SEPTIN14: variants seen among roughly 807,000 people sequenced by gnomAD.
SEPTIN14 encodes the protein septin-14.
In SEPTIN14, 40 loss-of-function variants were observed where a neutral mutation model predicts 53.6. That is an observed-to-expected ratio of 0.75 (90% confidence interval 0.58 to 0.97). SEPTIN14 has a LOEUF of 0.97. Among genes scored for constraint, SEPTIN14 ranks in the 50% least tolerant of loss-of-function variants. The pLI is 0.00. For missense variants in SEPTIN14, 471 were observed against 508.2 expected, an observed-to-expected ratio of 0.93 and a Z score of 0.70; for synonymous variants, 138 against 166.8, an observed-to-expected ratio of 0.83 and a Z score of 1.33.
In SEPTIN14 at chr7:55,794,487, C is replaced by T. The variant is rs1788392943; in HGVS notation, c.*1426G>A. 1.3e-5 allele frequency: 2 copies of T among 152,156 alleles called. No individual in the cohort carries two copies. The highest frequency in any genetic ancestry group is 4.8e-5 in the African/African-American group (2 of 41,438). 9.4% of individuals were successfully genotyped at this position (152,156 alleles called of 1,614,324 possible). ...TGAATAATTGCTGCTATGCGTCAGA[C>T]ATTTTTCTAGGCCTAGGAATGGATA... is the stretch of plus-strand genomic sequence containing the variant. On this transcript the variant is annotated 3_prime_UTR_variant, in exon 10 of 10. Transcript: ENST00000388975.
At chr7:55,815,990 A>G (rs1457450773) in intron 7 of SEPTIN14, among the ~76,000 whole-genome samples, 1 of 152,226 alleles carries the variant, frequency 6.6e-6, no homozygotes, top group Non-Finnish European at 1.5e-5. Context: ...AATGTGGTAC[A>G]TATACATGAT....
chr7:55,846,099 A>ATATATATATT (rs1178322284), intron 3 of SEPTIN14, among the ~76,000 whole-genome samples: 1 of 138,068 alleles, frequency 7.2e-6, no homozygotes, highest in Non-Finnish European at 1.6e-5. Context: ...ATATGTATAC[A>ATATATATATT]TGCTAGCCCT....
chr7:55,811,826 C>T (rs2115976581), intron 7 of SEPTIN14, among the ~76,000 whole-genome samples: 1 of 150,762 alleles, frequency 6.6e-6, no homozygotes, highest in African/African-American at 2.4e-5. Flanking sequence ...CAGAGTCTCG[C>T]TCTGTCACTC....
intron 5 of SEPTIN14, among the ~76,000 whole-genome samples, chr7:55,840,353 G>A (rs886104677): frequency 3.3e-5 from 5 of 151,810 alleles, no homozygotes; most frequent in African/African-American, 2.4e-5. Flanking sequence ...GCCGGGTGTG[G>A]TGGTGGGCGC....
chr7:55,827,335 G>T (rs901650356), intron 6 of SEPTIN14, among the ~76,000 whole-genome samples: 2 of 152,356 alleles, frequency 1.3e-5, no homozygotes, highest in Admixed American at 1.3e-4. Flanking sequence ...CCTGAGGGAA[G>T]AGGTCCTACC....
chr7:55,807,660 G>A (rs1182082168), intron 7 of SEPTIN14, among the ~76,000 whole-genome samples: 1 of 152,034 alleles, frequency 6.6e-6, no homozygotes, highest in African/African-American at 2.4e-5. Context: ...AATTCTGCTA[G>A]CAAAAAGGCC....
chr7:55,837,099 T>C (rs890686472), intron 5 of SEPTIN14, among the ~76,000 whole-genome samples: 8 of 151,254 alleles, frequency 5.3e-5, no homozygotes, highest in African/African-American at 1.7e-4. Context: ...AAAGAAAATA[T>C]ACTTTTAACC....
At chr7:55,826,206 A>G (rs1159895603) in intron 6 of SEPTIN14, among the ~76,000 whole-genome samples, 1 of 152,086 alleles carries the variant, frequency 6.6e-6, no homozygotes, top group African/African-American at 2.4e-5. Flanking sequence ...CTCTTTTACC[A>G]AATTTCAAGT....
chr7:55,858,255 A>G (rs1358599925), intron 2 of SEPTIN14, among the ~76,000 whole-genome samples: 4 of 152,220 alleles, frequency 2.6e-5, no homozygotes, highest in African/African-American at 9.6e-5. Context: ...GAGAAGGTCA[A>G]ATCCCTGGGG....
At chr7:55,820,799 G>A (rs544200831) in intron 6 of SEPTIN14, among the ~76,000 whole-genome samples, 3 of 152,232 alleles carry the variant, frequency 2.0e-5, no homozygotes, top group East Asian at 1.9e-4. Flanking sequence ...AATTAGCGGG[G>A]CATGGTGGCA....
intron 2 of SEPTIN14, among the ~76,000 whole-genome samples, chr7:55,854,270 A>C (rs1290218591): frequency 6.6e-6 from 1 of 152,240 alleles, no homozygotes; most frequent in East Asian, 1.9e-4. Flanking sequence ...GTCTATTAGT[A>C]AAATAAGAAT....
intron 2 of SEPTIN14, among the ~76,000 whole-genome samples, chr7:55,860,517 T>C (rs1290439505): frequency 1.3e-5 from 2 of 152,018 alleles, no homozygotes; most frequent in African/African-American, 2.4e-5. Context: ...TATTTCAAAA[T>C]AGCTAAAAGA....
At chr7:55,862,229 A>C (rs1383158922) in intron 1 of SEPTIN14, among the ~76,000 whole-genome samples, 1 of 152,190 alleles carries the variant, frequency 6.6e-6, no homozygotes, top group African/African-American at 2.4e-5. Context: ...AGAGTAATAC[A>C]TTTAACCATA....
At chr7:55,834,650 T>G in intron 5 of SEPTIN14, 64 bp from the exon 6 acceptor site, 1 of 1,411,660 alleles carries the variant, frequency 7.1e-7, no homozygotes, top group South Asian at 1.3e-5. Flanking sequence ...TTGTTTTTTG[T>G]TTTTTGTTTT....
Position 55,834,491 on chromosome 7 carries a change from A to G in SEPTIN14, c.654T>C (p.Asn218=). The change falls in exon 6 of 10, where the codon AAT becomes AAC. Residue 218 remains asparagine, a synonymous_variant. Transcript: ENST00000388975. The part of the protein sequence containing the change: ...KNKIMSELIS[N]GIQIYQLPTD... ...TTGGGAGCTGATATATCTGGATGCC[A>G]TTGCTAATCAATTCACTCATTATCT... 6.2e-7 allele frequency: 1 copy of G among 1,613,308 alleles called. No individual in the cohort carries two copies. The highest frequency in any genetic ancestry group is 8.5e-7 in the Non-Finnish European group (1 of 1,179,322).
intron 8 of SEPTIN14, 68 bp from the exon 9 acceptor site, chr7:55,805,458 G>A (rs1193592792): frequency 1.2e-5 from 14 of 1,185,222 alleles, no homozygotes; most frequent in African/African-American, 3.2e-5. Flanking sequence ...CCCAGGAGGC[G>A]GAGTTTGCAG....
chr7:55,808,891 G>A (rs1788649906), intron 7 of SEPTIN14, among the ~76,000 whole-genome samples: 1 of 152,084 alleles, frequency 6.6e-6, no homozygotes, highest in Non-Finnish European at 1.5e-5. Flanking sequence ...ACTACCATTT[G>A]ACCCAGTAAT....
intron 5 of SEPTIN14, among the ~76,000 whole-genome samples, chr7:55,841,673 T>C (rs1032024264): frequency 2.6e-5 from 4 of 152,006 alleles, no homozygotes; most frequent in African/African-American, 9.7e-5. Context: ...TTGACCAACA[T>C]GGAGAAACCC....
rs891728584 is a variant in SEPTIN14 at position 55,846,540 on chromosome 7, A to T, written c.152T>A (p.Phe51Tyr). Residue 51 changes from phenylalanine (F) to tyrosine (Y), a missense_variant, in exon 3 of 10, where the codon TTC (phenylalanine) becomes TAC (tyrosine). Phe to Tyr is a conservative substitution (Grantham distance 22, BLOSUM62 3). Transcript: ENST00000388975. ...QLVSRSIRQG[F>Y]TFNILCVGET... ...ACCCACACAGAGAATATTAAAAGTG[A>T]ATCCTTGTCGGATAGATCTGCTCAC... is the stretch of plus-strand genomic sequence containing the variant. 15 of 1,597,322 alleles carry T rather than the reference A, an allele frequency of 9.4e-6. No individual in the cohort carries two copies. In the African/African-American group the frequency reaches 1.3e-4, roughly 14 times the overall value.
Sources: gnomAD v4.1 joint callset for allele counts (sites outside exome capture counted in the v4.1 genomes callset) on GRCh38, gnomAD v4.1.1 for gene constraint, MANE v1.5 for transcripts, NCBI Gene and HGNC (gene_info 2026-07-23, HGNC 2026-07-21) for gene names.